The following RGS9 variants were observed in gnomAD, a reference collection of about 807,000 sequenced individuals.
The protein encoded by RGS9 is regulator of G protein signaling 9.
Under a neutral mutation model 102.0 loss-of-function variants are expected in RGS9, and 78 were observed. The observed-to-expected ratio is 0.76, with a 90% CI of 0.64 to 0.92. The LOEUF (loss-of-function observed/expected upper bound fraction) is 0.92. Ranked by LOEUF, RGS9 falls within the 40% of genes least tolerant of loss-of-function variation. RGS9 has a pLI of 0.00. For missense variants in RGS9, 833 were observed against 866.1 expected (o/e 0.96, Z 0.48); for synonymous variants, 353 against 318.6 (o/e 1.11, Z -1.15).
chr17:65,219,743 C>T (rs1410629426), intron 17 of RGS9, among the ~76,000 whole-genome samples: 1 of 152,160 alleles, frequency 6.6e-6, no homozygotes, highest in East Asian at 1.9e-4. Flanking sequence ...AATTCTTGGC[C>T]TATTATAAGC....
chr17:65,177,827 G>T lies in RGS9; in HGVS notation c.654+24G>T, dbSNP rs780863626. ...AGGTATGTCTCTGCTGCATAGTTTG[G>T]GTAGGGCCTAGGTCGGATTCTGGGG... is the stretch of plus-strand genomic sequence containing the variant. On this transcript the variant is annotated intron_variant, in intron 9 of 18. Transcript: ENST00000262406. The T allele has an allele frequency of 3.4e-5, 55 of 1,607,876 alleles. No individual in the cohort carries two copies. In the East Asian group the frequency reaches 1.2e-3, roughly 35 times the overall value.
At chr17:65,158,403 A>T in intron 3 of RGS9, 58 bp downstream of exon 3, 1 of 1,456,912 alleles carries the variant, frequency 6.9e-7, no homozygotes, top group East Asian at 2.3e-5. Context: ...GCACCATGGG[A>T]GAAACTAAAT....
chr17:65,205,698 T>C (rs1913033513), intron 15 of RGS9, among the ~76,000 whole-genome samples: 1 of 151,038 alleles, frequency 6.6e-6, no homozygotes, highest in South Asian at 2.1e-4. Context: ...GAGTTATATG[T>C]TATAGATTGT....
intron 1 of RGS9, among the ~76,000 whole-genome samples, chr17:65,138,016 G>T (rs1909980642): frequency 6.6e-6 from 1 of 152,210 alleles, no homozygotes. Flanking sequence ...ATGAAAACGG[G>T]GTGATTTGTA....
chr17:65,222,935 G>A (rs73330424), intron 17 of RGS9, among the ~76,000 whole-genome samples: 14,164 of 152,134 alleles, frequency 0.093, 977 homozygotes, highest in African/African-American at 0.17. Context: ...GAGGCATCCC[G>A]CGAGCGATGA....
In RGS9 at chr17:65,197,040, A is replaced by G. The variant is rs1199724167; in HGVS notation, c.861-86A>G. 3.3e-5 allele frequency: 27 copies of G among 824,348 alleles called. No homozygotes were observed. In the East Asian group the frequency reaches 6.3e-4, roughly 19 times the overall value. 51.1% of individuals were successfully genotyped at this position (824,348 alleles called of 1,614,324 possible). A position where few individuals can be genotyped will look rare whatever the true frequency, so the allele number is the denominator to read the frequency against. ...GGAGGATTGAATTGAGCCCTGGGCC[A>G]TGAGACTAAAGGCCCTCACCCCAAC... On this transcript the variant is annotated intron_variant, in intron 12 of 18. Coordinates refer to ENST00000262406, the MANE Select transcript of RGS9 (RefSeq NM_003835.4).
At chr17:65,206,781 T>C (rs1913080470) in intron 15 of RGS9, among the ~76,000 whole-genome samples, 2 of 152,214 alleles carry the variant, frequency 1.3e-5, no homozygotes, top group Admixed American at 6.5e-5. Flanking sequence ...CAGTCATTGG[T>C]AACTGCAGAA....
intron 1 of RGS9, among the ~76,000 whole-genome samples, chr17:65,140,370 C>G (rs1245403674): frequency 6.6e-6 from 1 of 152,050 alleles, no homozygotes; most frequent in Non-Finnish European, 1.5e-5. Context: ...ACAGTTTACG[C>G]ACAGAGGCAT....
intron 3 of RGS9, among the ~76,000 whole-genome samples, chr17:65,159,302 C>T (rs1265253371): frequency 6.6e-6 from 1 of 152,186 alleles, no homozygotes; most frequent in African/African-American, 2.4e-5. Context: ...AGCCTTGTTG[C>T]TCACACGAAG....
intron 13 of RGS9, among the ~76,000 whole-genome samples, chr17:65,199,269 A>G (rs1455954858): frequency 6.6e-6 from 1 of 152,154 alleles, no homozygotes; most frequent in African/African-American, 2.4e-5. Flanking sequence ...TGCCACATTA[A>G]AAAGAAACTC....
At chr17:65,148,713 G>T (rs2143964257) in intron 1 of RGS9, among the ~76,000 whole-genome samples, 1 of 152,016 alleles carries the variant, frequency 6.6e-6, no homozygotes, top group South Asian at 2.1e-4. Context: ...TATTTTTTTT[G>T]TGGGTAGGTG....
At chr17:65,163,240 T>G (rs1298847816) in intron 7 of RGS9, 151 bp downstream of exon 7, 3 of 363,196 alleles carry the variant, frequency 8.3e-6, no homozygotes, top group Non-Finnish European at 1.5e-5. Flanking sequence ...AGTGGTGTGA[T>G]CTCGGCTCAC....
At chr17:65,153,303 A>T in intron 1 of RGS9, 119 bp from the exon 2 acceptor site, 2 of 858,974 alleles carry the variant, frequency 2.3e-6, no homozygotes, top group Non-Finnish European at 4.0e-6. Context: ...CCTGTACCAG[A>T]TGGGGAACCC....
chr17:65,209,804 G>T (rs114680989), intron 16 of RGS9, among the ~76,000 whole-genome samples: 8 of 152,134 alleles, frequency 5.3e-5, no homozygotes, highest in African/African-American at 1.9e-4. Context: ...CCAGCCAGGC[G>T]CAGTGACTCA....
intron 17 of RGS9, among the ~76,000 whole-genome samples, chr17:65,218,901 C>T (rs1450962048): frequency 1.3e-4 from 20 of 152,234 alleles, no homozygotes; most frequent in Admixed American, 1.1e-3. Context: ...GACACCCTTG[C>T]GGCATTTGCT....
intron 1 of RGS9, among the ~76,000 whole-genome samples, chr17:65,143,793 CAAAAAAA>C (rs61423689): frequency 1.0e-5 from 1 of 97,052 alleles, no homozygotes; most frequent in Non-Finnish European, 2.5e-5. Flanking sequence ...GACTCTGTCT[CAAAAAAA>C]AAAAAAAAAA....
At chr17:65,221,135 G>T (rs1382442537) in intron 17 of RGS9, among the ~76,000 whole-genome samples, 3 of 152,214 alleles carry the variant, frequency 2.0e-5, no homozygotes, top group African/African-American at 7.2e-5. Context: ...CCAGAAGAAA[G>T]GACCATCTCA....
intron 6 of RGS9, among the ~76,000 whole-genome samples, chr17:65,162,108 C>T (rs1407735680): frequency 6.6e-6 from 1 of 152,006 alleles, no homozygotes; most frequent in Non-Finnish European, 1.5e-5. Context: ...AGTGAGTTTC[C>T]AGGTTGGGTG....
At chr17:65,200,105 C>T (rs958304275) in intron 13 of RGS9, among the ~76,000 whole-genome samples, 1 of 152,134 alleles carries the variant, frequency 6.6e-6, no homozygotes, top group Non-Finnish European at 1.5e-5. Flanking sequence ...CATCTCGGCT[C>T]ACTGCAACCA....
Sources: gnomAD v4.1 joint callset for allele counts (sites outside exome capture counted in the v4.1 genomes callset) on GRCh38, gnomAD v4.1.1 for gene constraint, MANE v1.5 for transcripts, NCBI Gene and HGNC (gene_info 2026-07-23, HGNC 2026-07-21) for gene names.